The following WDR7 variants were observed in gnomAD, a reference collection of about 807,000 sequenced individuals.
WDR7 encodes WD repeat domain 7, also known as WD repeat-containing protein 7.
Under a neutral mutation model 169.4 loss-of-function variants are expected in WDR7, and 46 were observed. The ratio of observed to expected loss-of-function variants is 0.27; its 90% confidence interval spans 0.21 to 0.35. WDR7 has a LOEUF of 0.35. WDR7 is among the 10% of genes least tolerant of loss of function. WDR7 has a pLI of 1.00. For missense variants in WDR7, 1,534 were observed against 1,859.3 expected (o/e 0.83, Z 3.22); for synonymous variants, 612 against 666.8 (o/e 0.92, Z 1.27).
intron 21 of WDR7, among the ~76,000 whole-genome samples, chr18:56,894,359 T>C (rs2046303620): frequency 6.6e-6 from 1 of 151,994 alleles, no homozygotes; most frequent in South Asian, 2.1e-4. Context: ...GAACTCAGTT[T>C]TCTCCTACTT....
chr18:56,673,638 A>C (rs1179009860), intron 2 of WDR7, among the ~76,000 whole-genome samples: 1 of 152,126 alleles, frequency 6.6e-6, no homozygotes, highest in Admixed American at 6.5e-5. Flanking sequence ...GTTTGAGACC[A>C]GCCTGGGCAA....
At chr18:57,021,107 C>G (rs1049281214) in intron 27 of WDR7, among the ~76,000 whole-genome samples, 4 of 152,172 alleles carry the variant, frequency 2.6e-5, no homozygotes, top group Non-Finnish European at 5.9e-5. Flanking sequence ...CATAAATAAG[C>G]AAGCAATTAT....
At chr18:56,659,711 A>G (rs1489738263) in intron 1 of WDR7, among the ~76,000 whole-genome samples, 4 of 152,210 alleles carry the variant, frequency 2.6e-5, no homozygotes, top group Non-Finnish European at 4.4e-5. Context: ...AGCAACACCA[A>G]TGAATCAGAG....
chr18:56,709,046 G>A (rs1039673597), intron 12 of WDR7, among the ~76,000 whole-genome samples: 14 of 152,042 alleles, frequency 9.2e-5, no homozygotes, highest in Middle Eastern at 6.3e-3. Flanking sequence ...ATTAAAGAAA[G>A]CATTTTAATA....
chr18:56,881,817 C>G (rs150457749), intron 21 of WDR7, among the ~76,000 whole-genome samples: 40 of 152,020 alleles, frequency 2.6e-4, no homozygotes, highest in Admixed American at 6.6e-4. Flanking sequence ...AACTCCTGAC[C>G]AGAAAGGATC....
In WDR7 at chr18:56,694,746, A is replaced by C; in HGVS notation, c.1094A>C (p.Gln365Pro). ...IWNISDTADK[Q>P]GSEEGLAMTT... ...AACATATCAGACACAGCTGATAAAC[A>C]GGGAAGTGAAGAAGGTAATAGTAAA... Residue 365 changes from glutamine (Q) to proline (P), a missense_variant, in exon 10 of 28, where the codon CAG becomes CCG. By Grantham distance (76) the Gln-to-Pro change is moderately conservative (BLOSUM62 -1). Coordinates refer to ENST00000254442, the MANE Select transcript of WDR7 (RefSeq NM_015285.3). 1 of 1,609,222 alleles carries C rather than the reference A, an allele frequency of 6.2e-7. No individual in the cohort carries two copies. The highest frequency in any genetic ancestry group is 1.7e-5 in the Admixed American group (1 of 59,426).
intron 1 of WDR7, among the ~76,000 whole-genome samples, chr18:56,665,615 T>C (rs1406628823): frequency 6.6e-6 from 1 of 152,214 alleles, no homozygotes; most frequent in African/African-American, 2.4e-5. Flanking sequence ...AGCTCTATCA[T>C]AATTTATTTA....
intron 26 of WDR7, among the ~76,000 whole-genome samples, chr18:56,963,769 C>T (rs2047367777): frequency 1.3e-5 from 2 of 151,978 alleles, no homozygotes; most frequent in African/African-American, 4.8e-5. Context: ...ACTCTGAATA[C>T]TTGTTTAAAA....
intron 20 of WDR7, 33 bp from the exon 21 acceptor site, chr18:56,879,911 T>C (rs2046081361): frequency 2.6e-6 from 4 of 1,536,346 alleles, no homozygotes; most frequent in Non-Finnish European, 3.6e-6. Flanking sequence ...TATTGATTTG[T>C]TCTAAGTTGA....
chr18:56,686,153 A>G, intron 6 of WDR7, 121 bp downstream of exon 6: 4 of 778,672 alleles, frequency 5.1e-6, no homozygotes, highest in Non-Finnish European at 5.8e-6. Context: ...ATTTTTTGAT[A>G]ATTTTCTTAT....
chr18:56,841,887 A>G (rs2045491963), intron 20 of WDR7, among the ~76,000 whole-genome samples: 1 of 152,180 alleles, frequency 6.6e-6, no homozygotes, highest in Non-Finnish European at 1.5e-5. Flanking sequence ...TGGAAGGATA[A>G]TATAACTTTT....
chr18:56,681,448 AT>A, intron 4 of WDR7, 57 bp downstream of exon 4: 2 of 1,135,942 alleles, frequency 1.8e-6, no homozygotes, highest in Non-Finnish European at 2.4e-6. Context: ...ATAATTTAAA[AT>A]ATTTTTAAAA....
At chr18:56,966,396 A>G (rs1244178274) in intron 26 of WDR7, among the ~76,000 whole-genome samples, 2 of 151,958 alleles carry the variant, frequency 1.3e-5, no homozygotes, top group East Asian at 3.9e-4. Context: ...CCTATTCAAC[A>G]TGAAGTTGAG....
At chr18:56,766,604 G>T (rs1366685202) in intron 16 of WDR7, among the ~76,000 whole-genome samples, 3 of 151,830 alleles carry the variant, frequency 2.0e-5, no homozygotes, top group Non-Finnish European at 4.4e-5. Context: ...TGCCTAGGTT[G>T]GTCTTGAACC....
chr18:57,033,770 C>G (rs2048454400), downstream of WDR7: 1 of 151,926 alleles, frequency 6.6e-6, no homozygotes, highest in Non-Finnish European at 1.5e-5. Flanking sequence ...GCTTCCCAGC[C>G]AAAGAGAACT....
chr18:56,877,955 A>G (rs2046048908), intron 20 of WDR7, among the ~76,000 whole-genome samples: 2 of 146,934 alleles, frequency 1.4e-5, no homozygotes, highest in Admixed American at 6.7e-5. Flanking sequence ...AGTTGTGTAC[A>G]TGTTAGTCAT....
rs918902815 is a variant in WDR7, at chr18:57,027,950, C to G, written c.*743C>G. On this transcript the variant is annotated 3_prime_UTR_variant, in exon 28 of 28. Transcript: ENST00000254442. Reference sequence around the variant, plus strand: ...AGTTTAAAATAAAAATAATCACTCCCTATGATCTAGTTAATGTAATTATCC... The same window carrying G: ...AGTTTAAAATAAAAATAATCACTCCGTATGATCTAGTTAATGTAATTATCC... The G allele has an allele frequency of 2.6e-5, 4 of 152,156 alleles. No homozygotes were observed. Among genetic ancestry groups the G allele is most frequent in the Non-Finnish European group, 5.9e-5 (4 of 68,022 alleles). The allele number at this position is 152,156 out of a possible 1,614,324, so 9.4% of individuals were successfully genotyped here. A position where few individuals can be genotyped will look rare whatever the true frequency, so the allele number is the denominator to read the frequency against.
chr18:56,890,178 C>T (rs1040853933), intron 21 of WDR7, among the ~76,000 whole-genome samples: 1 of 152,128 alleles, frequency 6.6e-6, no homozygotes, highest in African/African-American at 2.4e-5. Context: ...AATATAGTTA[C>T]AGATTAGTTC....
In WDR7 at chr18:56,868,027, A is replaced by AT. The variant is rs200812997; in HGVS notation, c.3305-11916dup. 5.3e-3 allele frequency among the ~76,000 whole-genome samples: 805 copies of AT among 152,340 alleles called. 23 individuals are homozygous for AT. The highest frequency in any genetic ancestry group is 0.044 in the Admixed American group (670 of 15,296). ...AAGGTCTATGAAAAAAATTTGCCAA[A>AT]TAACAACTAGGTACCACAAAGGTGT... On this transcript the variant is annotated intron_variant, in intron 20 of 27. Transcript: ENST00000254442.
Sources: allele counts gnomAD v4.1 joint callset (sites outside exome capture counted in the v4.1 genomes callset), GRCh38; gene constraint gnomAD v4.1.1; transcripts MANE v1.5; gene names NCBI Gene and HGNC (gene_info 2026-07-23, HGNC 2026-07-21).